The following RASGEF1C variants were observed in gnomAD, a reference collection of about 807,000 sequenced individuals.
RASGEF1C encodes the protein RasGEF domain family member 1C.
A neutral mutation model predicts 58.1 loss-of-function variants in RASGEF1C; 27 were observed. The ratio of observed to expected loss-of-function variants is 0.46; its 90% CI spans 0.34 to 0.64. The LOEUF is 0.64. RASGEF1C is among the 30% of genes least tolerant of loss of function. RASGEF1C has a pLI of 0.01. For missense variants in RASGEF1C, 502 were observed against 605.1 expected, an observed-to-expected ratio of 0.83 and a Z score of 1.79; for synonymous variants, 243 against 246.3, an observed-to-expected ratio of 0.99 and a Z score of 0.13.
At chr5:180,117,800 C>T (rs994548692) in intron 10 of RASGEF1C, among the ~76,000 whole-genome samples, 1 of 152,114 alleles carries the variant, frequency 6.6e-6, no homozygotes, top group African/African-American at 2.4e-5. Context: ...TTAAGACCAT[C>T]CTGGCCAATA....
At chr5:180,205,607 T>C (rs1295035055) in intron 1 of RASGEF1C, among the ~76,000 whole-genome samples, 1 of 152,132 alleles carries the variant, frequency 6.6e-6, no homozygotes, top group Non-Finnish European at 1.5e-5. Context: ...TAAAAAGCGA[T>C]GGAAGGAACT....
Position 180,168,260 on chromosome 5 carries a change from G to A in RASGEF1C, c.-6-30202C>T, listed in dbSNP as rs554601563. On this transcript the variant is annotated intron_variant, in intron 1 of 13. Coordinates refer to ENST00000361132, the MANE Select transcript of RASGEF1C (RefSeq NM_175062.4). This position sits in a 1 kb window ranked among gnomAD's most constrained non-coding sequence, Gnocchi z 6.0. ...AGCCTGATCAACATGGAGAAACCCC[G>A]TCTCTACTTAAAAAAATACAAAATT... is the stretch of plus-strand genomic sequence containing the variant. Among the ~76,000 whole-genome samples, 21 of 152,122 alleles carry A rather than the reference G, an allele frequency of 1.4e-4. No homozygotes were observed. The South Asian group carries it at 2.9e-3, about 21-fold the overall frequency.
intron 1 of RASGEF1C, among the ~76,000 whole-genome samples, chr5:180,150,967 T>A (rs1766736696): frequency 1.3e-5 from 2 of 151,170 alleles, no homozygotes; most frequent in Admixed American, 1.3e-4. Context: ...CCATTCACAA[T>A]TGCTTCAAAG....
intron 7 of RASGEF1C, among the ~76,000 whole-genome samples, chr5:180,119,858 G>C (rs957819529): frequency 6.6e-6 from 1 of 152,168 alleles, no homozygotes; most frequent in African/African-American, 2.4e-5. Context: ...CCTGTCCCTC[G>C]AGCAGCCCCT....
chr5:180,128,602 C>G lies in RASGEF1C; in HGVS notation c.447G>C (p.Arg149=), dbSNP rs1282402642. ...CCTGTAGGAGCTGATGCATCCTCTT[C>G]CGGTATGCCTGGTGGGTGGAAAGAA... is the stretch of plus-strand genomic sequence containing the variant. ...GRIAPCDEAY[R]KRMHQLLQAL... is the part of the protein sequence containing the mutation. The change falls in exon 5 of 14, where the codon CGG becomes CGC. Residue 149 remains arginine, a synonymous_variant. Coordinates refer to ENST00000361132, the MANE Select transcript of RASGEF1C (RefSeq NM_175062.4). 1 of 1,613,590 alleles carries G rather than the reference C, an allele frequency of 6.2e-7. No individual in the cohort carries two copies. Among genetic ancestry groups the G allele is most frequent in the Non-Finnish European group, 8.5e-7 (1 of 1,179,984 alleles).
intron 1 of RASGEF1C, chr5:180,138,290 A>C: frequency 2.5e-6 from 1 of 395,182 alleles, no homozygotes; most frequent in South Asian, 1.0e-4. Context: ...TGCAGGACCC[A>C]TCTCTTGTCT....
chr5:180,133,909 A>G (rs1255123244), intron 4 of RASGEF1C, among the ~76,000 whole-genome samples: 1 of 152,196 alleles, frequency 6.6e-6, no homozygotes, highest in East Asian at 1.9e-4. Flanking sequence ...GCAAGCACAC[A>G]CCTGACTTCA....
intron 1 of RASGEF1C, among the ~76,000 whole-genome samples, chr5:180,174,505 TGTGC>T (rs1767182448): frequency 6.6e-6 from 1 of 150,636 alleles, no homozygotes; most frequent in Admixed American, 6.6e-5. Flanking sequence ...TGTGTCTGTG[TGTGC>T]GTGCGCGTAC....
intron 12 of RASGEF1C, among the ~76,000 whole-genome samples, chr5:180,106,410 G>A (rs974923018): frequency 1.3e-5 from 2 of 152,058 alleles, no homozygotes; most frequent in Non-Finnish European, 2.9e-5. Flanking sequence ...TTTTTCTAAT[G>A]TATGCATTTG....
intron 1 of RASGEF1C, among the ~76,000 whole-genome samples, chr5:180,195,483 G>C (rs1561758397): frequency 6.6e-6 from 1 of 152,186 alleles, no homozygotes; most frequent in South Asian, 2.1e-4. Flanking sequence ...CACAAGGGCC[G>C]GGCACGGTGG....
In RASGEF1C at chr5:180,177,499, C is replaced by T. The variant is rs375467167; in HGVS notation, c.-7+31529G>A. 9.2e-5 allele frequency among the ~76,000 whole-genome samples: 14 copies of T among 152,384 alleles called. No individual in the cohort carries two copies. Among genetic ancestry groups the T allele is most frequent in the African/African-American group, 2.2e-4 (9 of 41,602 alleles). On this transcript the variant is annotated intron_variant, in intron 1 of 13. Transcript: ENST00000361132. This position sits in a 1 kb window ranked among gnomAD's most constrained non-coding sequence, Gnocchi z 5.0. ...TCCTTCCGGGACCCCTGCCAAGGCT[C>T]AGCCCTGCTGCAGCTGTCCAAGGCC...
At chr5:180,136,643 G>A in intron 3 of RASGEF1C, 128 bp from the exon 4 acceptor site, 1 of 1,016,188 alleles carries the variant, frequency 9.8e-7, no homozygotes, top group Non-Finnish European at 1.4e-6. Context: ...TGCCAGGGAG[G>A]AGGAGGGGGG....
intron 1 of RASGEF1C, among the ~76,000 whole-genome samples, chr5:180,154,534 T>C (rs913447912): frequency 1.3e-5 from 2 of 151,560 alleles, no homozygotes; most frequent in African/African-American, 4.8e-5. Context: ...TAAAGTGGGG[T>C]GGACAAGTTA....
At chr5:180,191,267 C>T (rs1254193799) in intron 1 of RASGEF1C, among the ~76,000 whole-genome samples, 2 of 152,212 alleles carry the variant, frequency 1.3e-5, no homozygotes, top group African/African-American at 4.8e-5. Context: ...TACCATTTAA[C>T]CTGGCCATTC....
chr5:180,151,788 A>C (rs1334881724), intron 1 of RASGEF1C, among the ~76,000 whole-genome samples: 21 of 152,168 alleles, frequency 1.4e-4, no homozygotes, highest in Non-Finnish European at 2.8e-4. Context: ...GGCAACCTAC[A>C]GAATGGGAGA....
intron 1 of RASGEF1C, among the ~76,000 whole-genome samples, chr5:180,166,045 G>T (rs984776674): frequency 1.3e-5 from 2 of 151,868 alleles, no homozygotes; most frequent in Non-Finnish European, 2.9e-5. Context: ...CACCACGCCC[G>T]GCCTAATTTT....
At chr5:180,113,820 G>A (rs1158025400) in intron 11 of RASGEF1C, among the ~76,000 whole-genome samples, 3 of 151,912 alleles carry the variant, frequency 2.0e-5, no homozygotes, top group African/African-American at 4.8e-5. Context: ...TGGAGGGACC[G>A]AGGATGGATG....
intron 10 of RASGEF1C, 26 bp from the exon 11 acceptor site, chr5:180,114,567 C>A (rs931691088): frequency 3.1e-6 from 5 of 1,592,940 alleles, no homozygotes; most frequent in Non-Finnish European, 4.3e-6. Flanking sequence ...GGCAGGTCGG[C>A]CCCAGCCGGC....
intron 6 of RASGEF1C, among the ~76,000 whole-genome samples, chr5:180,121,603 G>A (rs886774518): frequency 1.3e-5 from 2 of 151,624 alleles, no homozygotes; most frequent in African/African-American, 4.8e-5. Context: ...GTGAGCCACT[G>A]CGCCCGGCTA....
Sources: gnomAD v4.1 joint callset for allele counts (sites outside exome capture counted in the v4.1 genomes callset) on GRCh38, gnomAD v4.1.1 for gene constraint, Gnocchi (gnomAD v3.1) non-coding constraint, MANE v1.5 for transcripts, NCBI Gene and HGNC (gene_info 2026-07-23, HGNC 2026-07-21) for gene names.